The following RMND5A variants were observed in gnomAD, a reference collection of about 807,000 sequenced individuals.
RMND5A encodes the protein required for meiotic nuclear division 5 homolog A.
A neutral mutation model predicts 49.7 loss-of-function variants in RMND5A; 17 were observed. That is an observed-to-expected ratio of 0.34 (90% CI 0.23 to 0.51). The LOEUF (loss-of-function observed/expected upper bound fraction) is 0.51, where lower values mean the gene tolerates loss of function less well. Ranked by LOEUF, RMND5A falls within the 20% of genes least tolerant of loss-of-function variation. The pLI, the probability that RMND5A is intolerant of heterozygous loss-of-function variation, is 0.96. For missense variants in RMND5A, 255 were observed against 471.3 expected (o/e 0.54, Z 4.25); for synonymous variants, 156 against 167.7 (o/e 0.93, Z 0.54).
chr2:86,737,591 AT>A lies in RMND5A; in HGVS notation c.143-3335del, dbSNP rs1298185017. 2.6e-4 allele frequency among the ~76,000 whole-genome samples: 31 copies of A among 118,636 alleles called. 4 individuals carry two copies. Among genetic ancestry groups the A allele is most frequent in the East Asian group, 2.1e-3 (8 of 3,884 alleles). The allele number at this position is 118,636 out of a possible 152,430, so 77.8% of individuals were successfully genotyped here. On this transcript the variant is annotated intron_variant, in intron 1 of 8. Transcript: ENST00000283632. ...TTAAGTATCATATATATATATATAT[AT>A]ATGTCAGTGACTCACAAATTTGTAT...
rs1681373762 is a variant in RMND5A, at chr2:86,734,023, T to TA, written c.143-6903dup. ...TTTGGTTGACTGTCAGTCTGGTCAT[T>TA]ATAGCAATTTTCAAACCTGTTTTAA... On this transcript the variant is annotated intron_variant, in intron 1 of 8. Transcript: ENST00000283632. Among the ~76,000 whole-genome samples, 11 of 149,718 alleles carry TA rather than the reference T, an allele frequency of 7.3e-5. No individual in the cohort carries two copies. In the South Asian group the frequency reaches 2.3e-3, roughly 31 times the overall value.
chr2:86,763,525 A>ACC (rs1235347176), intron 4 of RMND5A, among the ~76,000 whole-genome samples: 2 of 151,934 alleles, frequency 1.3e-5, no homozygotes, highest in Non-Finnish European at 2.9e-5. Context: ...CACACCTGTA[A>ACC]CCGCAGCACT....
At chr2:86,771,888 A>G (rs368737219) in intron 8 of RMND5A, among the ~76,000 whole-genome samples, 176 bp downstream of exon 8, 13 of 152,180 alleles carry the variant, frequency 8.5e-5, no homozygotes, top group South Asian at 2.1e-4. Context: ...TAATGTGTCT[A>G]TGGATTTGGT....
In RMND5A at chr2:86,765,371, G is replaced by A; in HGVS notation, c.688+178G>A. On this transcript the variant is annotated intron_variant, in intron 5 of 8. Coordinates refer to ENST00000283632, the MANE Select transcript of RMND5A (RefSeq NM_022780.4). ...AAAACAAAAATATTAAAGCCTCTTA[G>A]AAGTCAGAGATGTTGCAGATTTTGG... 3 of 517,246 alleles carry A rather than the reference G, an allele frequency of 5.8e-6. No individual in the cohort carries two copies. In the Middle Eastern group the frequency reaches 1.6e-3, roughly 270 times the overall value. The allele number at this position is 517,246 out of a possible 1,614,324, so 32.0% of individuals were successfully genotyped here.
intron 4 of RMND5A, among the ~76,000 whole-genome samples, chr2:86,761,466 T>C (rs1672487945): frequency 6.6e-6 from 1 of 151,850 alleles, no homozygotes; most frequent in Non-Finnish European, 1.5e-5. Flanking sequence ...AAGAGAGAGG[T>C]CCTATCATGT....
At chr2:86,765,692 T>G (rs1465399711) in intron 5 of RMND5A, 167 bp from the exon 6 acceptor site, 2 of 583,796 alleles carry the variant, frequency 3.4e-6, no homozygotes, top group Non-Finnish European at 6.0e-6. Context: ...TTTCTCTCCA[T>G]GCTGTTTAAT....
chr2:86,754,563 A>G (rs927008453), intron 4 of RMND5A, among the ~76,000 whole-genome samples: 1 of 151,892 alleles, frequency 6.6e-6, no homozygotes, highest in African/African-American at 2.4e-5. Flanking sequence ...CTTTCTAATC[A>G]TTTCTCAGTT....
Position 86,773,348 on chromosome 2 carries a change from A to G in RMND5A, c.1113A>G (p.Lys371=). The G allele has an allele frequency of 1.3e-6, 2 of 1,594,216 alleles. No homozygotes were observed. Among genetic ancestry groups the G allele is most frequent in the East Asian group, 2.2e-5 (1 of 44,748 alleles). The change falls in exon 9 of 9, where the codon AAA becomes AAG. Residue 371 remains lysine, a splice_region_variant and synonymous_variant. Coordinates refer to ENST00000283632, the MANE Select transcript of RMND5A (RefSeq NM_022780.4). The part of the protein sequence containing the change: ...DALNKMFNGS[K]LKCPYCPMEQ... ...TCAGTGTTTTCTTCTTTGTCTTTAGATTAAAATGTCCCTACTGTCCAATGG... is the reference window on the plus strand; with the variant it reads ...TCAGTGTTTTCTTCTTTGTCTTTAGGTTAAAATGTCCCTACTGTCCAATGG...
At chr2:86,756,870 A>G (rs1222552469) in intron 4 of RMND5A, among the ~76,000 whole-genome samples, 1 of 152,176 alleles carries the variant, frequency 6.6e-6, no homozygotes, top group African/African-American at 2.4e-5. Context: ...GGCAGAGGCC[A>G]GCCAAAAATT....
Position 86,775,863 on chromosome 2 carries a change from C to T in RMND5A, c.*2452C>T, listed in dbSNP as rs1338602478. 1 of 152,184 alleles carries T rather than the reference C, an allele frequency of 6.6e-6. No individual in the cohort carries two copies. The highest frequency in any genetic ancestry group is 1.5e-5 in the Non-Finnish European group (1 of 68,042). The allele number at this position is 152,184 out of a possible 1,614,324, so 9.4% of individuals were successfully genotyped here. On this transcript the variant is annotated 3_prime_UTR_variant, in exon 9 of 9. Transcript: ENST00000283632. ...TGCTGAGATACAGCATTCTGTCCCC[C>T]CTGCCCTAGAAACTCCATAAATGCT...
At chr2:86,754,531 A>G (rs1250032669) in intron 4 of RMND5A, among the ~76,000 whole-genome samples, 1 of 152,070 alleles carries the variant, frequency 6.6e-6, no homozygotes, top group East Asian at 1.9e-4. Context: ...AACCCATTTA[A>G]TTCTTCATAG....
intron 1 of RMND5A, among the ~76,000 whole-genome samples, chr2:86,728,759 CTT>C (rs1228686352): frequency 1.6e-5 from 2 of 127,654 alleles, no homozygotes; most frequent in African/African-American, 3.1e-5. Flanking sequence ...TGGTGTTAAG[CTT>C]TTTTTTTTTT....
intron 2 of RMND5A, among the ~76,000 whole-genome samples, chr2:86,743,087 G>A (rs753611192): frequency 2.0e-5 from 3 of 152,088 alleles, no homozygotes; most frequent in Non-Finnish European, 4.4e-5. Context: ...CTCTTGTCCT[G>A]CTTGCTCCTG....
intron 4 of RMND5A, among the ~76,000 whole-genome samples, chr2:86,762,839 G>C (rs4832312): frequency 0.68 from 102,942 of 150,744 alleles, 35,293 homozygotes; most frequent in East Asian, 0.91. Context: ...CCAGAAGTTC[G>C]AGACCAGCCT....
chr2:86,757,244 ATGG>A (rs758253639), intron 4 of RMND5A, among the ~76,000 whole-genome samples: 35 of 149,936 alleles, frequency 2.3e-4, no homozygotes, highest in Middle Eastern at 3.7e-3. Flanking sequence ...GCCTAGGGGA[ATGG>A]TGATATTGTG....
In RMND5A at chr2:86,770,011, C is replaced by T. The variant is rs761539994; in HGVS notation, c.855-12C>T. ...TGGCCTGGCACTGACGTTTCCTCTT[C>T]TGCTCTCCCAGTTTCTCAGCAGGTT... On this transcript the variant is annotated splice_polypyrimidine_tract_variant and intron_variant, in intron 6 of 8. Coordinates refer to ENST00000283632, the MANE Select transcript of RMND5A (RefSeq NM_022780.4). The T allele has an allele frequency of 1.2e-6, 2 of 1,609,048 alleles. No individual in the cohort carries two copies. The highest frequency in any genetic ancestry group is 2.2e-5 in the South Asian group (2 of 90,958).
chr2:86,751,534 T>A (rs1168510021), intron 2 of RMND5A, among the ~76,000 whole-genome samples: 1 of 152,230 alleles, frequency 6.6e-6, no homozygotes, highest in Non-Finnish European at 1.5e-5. Context: ...TTCTCCTTTT[T>A]TCCCCTCCCA....
chr2:86,751,197 A>C lies in RMND5A; in HGVS notation c.286-699A>C, dbSNP rs559184324. 6.0e-4 allele frequency among the ~76,000 whole-genome samples: 91 copies of C among 152,324 alleles called. 1 individual carries two copies. The highest frequency in any genetic ancestry group is 2.1e-3 in the African/African-American group (89 of 41,572). On this transcript the variant is annotated intron_variant, in intron 2 of 8. Coordinates refer to ENST00000283632, the MANE Select transcript of RMND5A (RefSeq NM_022780.4). ...ATCAACCTTGTTGGATTCAGGCCAC[A>C]AGTTCTAACCAGTCTTTTCTGGGTT...
Position 86,720,784 on chromosome 2 carries a change from C to G in RMND5A, c.117C>G (p.Leu39=), listed in dbSNP as rs751694372. Residue 39 remains leucine (L), a synonymous_variant, in exon 1 of 9, where the codon CTC becomes CTG. Coordinates refer to ENST00000283632, the MANE Select transcript of RMND5A (RefSeq NM_022780.4). ...LEELIDYTGG[L]KHEILQSHGQ... ...AGCTCATCGACTACACCGGCGGCCT[C>G]AAGCACGAGATCCTGCAGAGCCACG... 1.1e-5 allele frequency: 18 copies of G among 1,594,996 alleles called. 1 individual carries two copies. The highest frequency in any genetic ancestry group is 6.8e-5 in the East Asian group (3 of 43,996).
Sources: allele counts gnomAD v4.1 joint callset (sites outside exome capture counted in the v4.1 genomes callset), GRCh38; gene constraint gnomAD v4.1.1; transcripts MANE v1.5; gene names NCBI Gene and HGNC (gene_info 2026-07-23, HGNC 2026-07-21).